Variants in ERBB4 observed in about 807,000 individuals in gnomAD.
ERBB4 encodes the protein receptor tyrosine-protein kinase erbB-4.
Under a neutral mutation model 158.0 loss-of-function variants are expected in ERBB4, and 42 were observed. The observed-to-expected ratio is 0.27, with a 90% CI of 0.21 to 0.34. ERBB4 has a LOEUF of 0.34. Ranked by LOEUF, ERBB4 falls within the 10% of genes least tolerant of loss-of-function variation. The pLI, the probability that ERBB4 is intolerant of heterozygous loss-of-function variation, is 1.00. For synonymous variants in ERBB4, 583 were observed against 558.7 expected (o/e 1.04, Z -0.61); for missense variants, 1,333 against 1,624.1 (o/e 0.82, Z 3.08).
At chr2:212,426,969 G>T (rs1177222786) in intron 1 of ERBB4, among the ~76,000 whole-genome samples, 3 of 152,052 alleles carry the variant, frequency 2.0e-5, no homozygotes, top group Non-Finnish European at 4.4e-5. Flanking sequence ...CAAGCTACAG[G>T]ATAAGTTTTA....
intron 14 of ERBB4, among the ~76,000 whole-genome samples, chr2:211,672,061 A>AAAATT (rs1407016713): frequency 6.6e-6 from 1 of 152,100 alleles, no homozygotes; most frequent in Admixed American, 6.6e-5. Context: ...CGTCCTCTGA[A>AAAATT]CTGGCCAATT....
chr2:211,913,722 T>C (rs2125061500), intron 3 of ERBB4, among the ~76,000 whole-genome samples: 1 of 151,392 alleles, frequency 6.6e-6, no homozygotes, highest in South Asian at 2.1e-4. Flanking sequence ...AAATTTGGTA[T>C]AGTGTCTATC....
At chr2:211,468,613 T>C (rs2064755619) in intron 20 of ERBB4, among the ~76,000 whole-genome samples, 3 of 152,080 alleles carry the variant, frequency 2.0e-5, no homozygotes, top group African/African-American at 7.2e-5. Flanking sequence ...ATACACCAAC[T>C]CAGAAGAGGT....
At chr2:211,722,696 C>A (rs1480111731) in intron 6 of ERBB4, among the ~76,000 whole-genome samples, 162 bp from the exon 7 acceptor site, 4 of 152,106 alleles carry the variant, frequency 2.6e-5, no homozygotes, top group African/African-American at 7.2e-5. Context: ...TCATAAAACT[C>A]TTTTTTCCAG....
chr2:211,813,309 G>A (rs747134599), intron 3 of ERBB4, among the ~76,000 whole-genome samples: 5 of 152,224 alleles, frequency 3.3e-5, no homozygotes, highest in Non-Finnish European at 7.3e-5. Flanking sequence ...AGGGTAACAT[G>A]CTGCCAAGTG....
In ERBB4 at chr2:212,095,566, C is replaced by A. The variant is rs142882563; in HGVS notation, c.234+29186G>T. ...AGAACAGAGAAAAAGGCTTGTGACT[C>A]GATTGCTAATGAAGTTTAATTGGAA... On this transcript the variant is annotated intron_variant, in intron 2 of 27. Transcript: ENST00000342788. Among the ~76,000 whole-genome samples the A allele has an allele frequency of 5.6e-3, 855 of 152,250 alleles. 7 individuals are homozygous for A. The highest frequency in any genetic ancestry group is 0.019 in the African/African-American group (810 of 41,550).
intron 1 of ERBB4, among the ~76,000 whole-genome samples, chr2:212,194,172 A>G (rs1031495577): frequency 6.6e-6 from 1 of 152,062 alleles, no homozygotes; most frequent in African/African-American, 2.4e-5. Flanking sequence ...TTATCAGCAC[A>G]TATCTGCAAG....
intron 1 of ERBB4, among the ~76,000 whole-genome samples, chr2:212,315,281 G>A (rs2087223263): frequency 6.6e-6 from 1 of 151,246 alleles, no homozygotes; most frequent in Non-Finnish European, 1.5e-5. Context: ...GAGTATCCGG[G>A]CTAGAGGTTC....
At chr2:212,414,746 A>C (rs1560257040) in intron 1 of ERBB4, among the ~76,000 whole-genome samples, 1 of 152,214 alleles carries the variant, frequency 6.6e-6, no homozygotes, top group Non-Finnish European at 1.5e-5. Context: ...CTAAACTAGA[A>C]AGCATATTGA....
chr2:212,342,261 T>G (rs937427815), intron 1 of ERBB4, among the ~76,000 whole-genome samples: 6 of 152,292 alleles, frequency 3.9e-5, no homozygotes, highest in African/African-American at 1.4e-4. Context: ...AAATCTCATC[T>G]TGAATTGTAG....
At chr2:211,753,987 A>C (rs1282040188) in intron 4 of ERBB4, among the ~76,000 whole-genome samples, 1 of 150,976 alleles carries the variant, frequency 6.6e-6, no homozygotes, top group Admixed American at 6.6e-5. Flanking sequence ...CCTCCCGAGT[A>C]GCTGGGACTA....
At position 211,987,330 on chromosome 2, in the gene ERBB4, C is replaced by CAAAAAAAAA. The variant is rs564412801; in HGVS notation, c.235-39723_235-39715dup. Among the ~76,000 whole-genome samples, 50 of 56,136 alleles carry CAAAAAAAAA rather than the reference C, an allele frequency of 8.9e-4. 1 individual carries two copies. Among genetic ancestry groups the CAAAAAAAAA allele is most frequent in the African/African-American group, 1.7e-3 (40 of 23,196 alleles). 36.8% of individuals were successfully genotyped at this position (56,136 alleles called of 152,430 possible). The stretch of plus-strand genomic sequence containing the variant: ...AGGGAGACTCCATCTCAAGAAAAGA[C>CAAAAAAAAA]AAAAAAAAAAAAAAGAAAGAAATCT... On this transcript the variant is annotated intron_variant, in intron 2 of 27. Transcript: ENST00000342788.
intron 1 of ERBB4, among the ~76,000 whole-genome samples, chr2:212,496,865 C>A: frequency 6.6e-6 from 1 of 152,034 alleles, no homozygotes; most frequent in Non-Finnish European, 1.5e-5. Flanking sequence ...ACAGTCAATA[C>A]TTTATTTGCT....
At chr2:212,310,605 GTA>G (rs1361947101) in intron 1 of ERBB4, among the ~76,000 whole-genome samples, 7 of 100,240 alleles carry the variant, frequency 7.0e-5, no homozygotes, top group South Asian at 3.6e-4. Flanking sequence ...TCATATATAT[GTA>G]TATGTGTGTG....
chr2:212,151,206 A>G (rs2080856262), intron 1 of ERBB4, among the ~76,000 whole-genome samples: 1 of 151,776 alleles, frequency 6.6e-6, no homozygotes, highest in Admixed American at 6.6e-5. Context: ...ATTATTTTTT[A>G]ACAAATATGT....
chr2:211,894,320 C>T (rs1383084392), intron 3 of ERBB4, among the ~76,000 whole-genome samples: 1 of 147,094 alleles, frequency 6.8e-6, no homozygotes, highest in Non-Finnish European at 1.5e-5. Context: ...AACAAAAAAC[C>T]AAACACGGCA....
chr2:211,654,902 G>A (rs995992549), intron 16 of ERBB4, among the ~76,000 whole-genome samples: 5 of 152,120 alleles, frequency 3.3e-5, no homozygotes, highest in African/African-American at 9.7e-5. Flanking sequence ...AGGCTAATCT[G>A]AATTAGGTGT....
At chr2:211,442,679 C>CTGTATATATGTATACGTG (rs2064011271) in intron 20 of ERBB4, among the ~76,000 whole-genome samples, 1 of 150,216 alleles carries the variant, frequency 6.7e-6, no homozygotes, top group African/African-American at 2.5e-5. Context: ...ATGTATATAC[C>CTGTATATATGTATACGTG]TGTATATATG....
chr2:211,920,218 G>A (rs148761478), intron 3 of ERBB4, among the ~76,000 whole-genome samples: 1 of 152,024 alleles, frequency 6.6e-6, no homozygotes, highest in East Asian at 1.9e-4. Flanking sequence ...CTCTGAAACA[G>A]CCCTTTTGGC....
Sources: allele counts gnomAD v4.1 joint callset (sites outside exome capture counted in the v4.1 genomes callset), GRCh38; gene constraint gnomAD v4.1.1; transcripts MANE v1.5; gene names NCBI Gene and HGNC (gene_info 2026-07-23, HGNC 2026-07-21).